Variants in CHST8 observed in about 807,000 individuals in gnomAD.
The protein encoded by CHST8 is carbohydrate sulfotransferase 8, also known as GALNAC-4-ST1.
In CHST8, 10 loss-of-function variants were observed where a neutral mutation model predicts 15.0. The observed-to-expected ratio is 0.67, with a 90% CI of 0.41 to 1.13. The LOEUF (loss-of-function observed/expected upper bound fraction) is 1.13, where lower values mean the gene tolerates loss of function less well. CHST8 is among the 50% of genes most tolerant of loss of function. The pLI, the probability that CHST8 is intolerant of heterozygous loss-of-function variation, is 0.00. For synonymous variants in CHST8, 259 were observed against 256.6 expected, an observed-to-expected ratio of 1.01 and a Z score of -0.09; for missense variants, 634 against 608.2, an observed-to-expected ratio of 1.04 and a Z score of -0.45.
rs151137712 is a variant in CHST8, at chr19:33,631,739, C to T, written c.-164+9443C>T. 2.1e-3 allele frequency among the ~76,000 whole-genome samples: 317 copies of T among 152,244 alleles called. 2 individuals carry two copies. Among genetic ancestry groups the T allele is most frequent in the African/African-American group, 7.3e-3 (302 of 41,524 alleles). ...CCTCTTCCACGAGTTAATGTGTCAGCGCACAGCCATGGCAACCACTCCCCG... is the reference window on the plus strand; with the variant it reads ...CCTCTTCCACGAGTTAATGTGTCAGTGCACAGCCATGGCAACCACTCCCCG... On this transcript the variant is annotated intron_variant, in intron 1 of 4. Transcript: ENST00000650847.
At chr19:33,675,204 C>T (rs1972793603) in intron 2 of CHST8, among the ~76,000 whole-genome samples, 2 of 152,110 alleles carry the variant, frequency 1.3e-5, no homozygotes, top group Non-Finnish European at 2.9e-5. Context: ...GTAGCCAGGC[C>T]TGCACCACCC....
chr19:33,680,729 G>T (rs1009289926), intron 2 of CHST8, among the ~76,000 whole-genome samples: 2 of 152,250 alleles, frequency 1.3e-5, no homozygotes, highest in African/African-American at 4.8e-5. Context: ...CCTATTAAAG[G>T]CACAGTCCCT....
At chr19:33,732,391 A>G (rs946179636) in intron 3 of CHST8, among the ~76,000 whole-genome samples, 1 of 151,820 alleles carries the variant, frequency 6.6e-6, no homozygotes, top group Non-Finnish European at 1.5e-5. Context: ...AGCCCTCCAC[A>G]AGACTGACTT....
intron 1 of CHST8, among the ~76,000 whole-genome samples, chr19:33,666,447 C>T (rs955189065): frequency 4.6e-5 from 7 of 152,124 alleles, no homozygotes; most frequent in Non-Finnish European, 8.8e-5. Flanking sequence ...GCAGAGCTCA[C>T]GGATCCAGGA....
At chr19:33,636,105 A>AAAC (rs1414212550) in intron 1 of CHST8, among the ~76,000 whole-genome samples, 2 of 151,856 alleles carry the variant, frequency 1.3e-5, no homozygotes, top group Non-Finnish European at 2.9e-5. Flanking sequence ...AAAAAAAAAA[A>AAAC]AAACCTCTTG....
intron 3 of CHST8, among the ~76,000 whole-genome samples, chr19:33,761,392 C>G (rs1974725499): frequency 6.6e-6 from 1 of 152,014 alleles, no homozygotes; most frequent in African/African-American, 2.4e-5. Context: ...TGCAGTGGCA[C>G]AATCTCAGCT....
chr19:33,672,599 G>T (rs1299178948), intron 2 of CHST8, among the ~76,000 whole-genome samples: 1 of 152,202 alleles, frequency 6.6e-6, no homozygotes, highest in Non-Finnish European at 1.5e-5. Context: ...AAGATGCGGA[G>T]AAACAGGAAG....
intron 2 of CHST8, among the ~76,000 whole-genome samples, chr19:33,679,505 C>T (rs1407432524): frequency 2.0e-5 from 3 of 152,196 alleles, no homozygotes; most frequent in Non-Finnish European, 4.4e-5. Context: ...CACACGCATG[C>T]GTGTCTGTTG....
intron 3 of CHST8, among the ~76,000 whole-genome samples, chr19:33,714,765 G>A (rs902692890): frequency 1.3e-5 from 2 of 152,202 alleles, no homozygotes; most frequent in African/African-American, 4.8e-5. Flanking sequence ...GTTTTGAAAA[G>A]GGGAATTTCC....
intron 3 of CHST8, among the ~76,000 whole-genome samples, chr19:33,750,806 C>T (rs892194): frequency 0.2 from 30,710 of 151,936 alleles, 3,702 homozygotes; most frequent in Non-Finnish European, 0.27. Context: ...GCCAAGCCTC[C>T]TGGCTGGGGC....
chr19:33,763,014 G>A (rs1361417282), intron 3 of CHST8, among the ~76,000 whole-genome samples: 4 of 151,912 alleles, frequency 2.6e-5, no homozygotes, highest in African/African-American at 9.7e-5. Flanking sequence ...GATTACAGGC[G>A]CCCACCATCA....
rs3040787 is a variant in CHST8, at chr19:33,694,093, CATATATATATATATATATATATAT to C, written c.130+4716_130+4739del. ...CATACAGATTCTGTTGTAGTTTATT[CATATATATATATATATATATATAT>C]ATATATATATATAAATGCAATGTTA... On this transcript the variant is annotated intron_variant, in intron 3 of 4. Coordinates refer to ENST00000650847, the MANE Select transcript of CHST8 (RefSeq NM_001127895.2). Among the ~76,000 whole-genome samples the C allele has an allele frequency of 5.1e-4, 16 of 31,396 alleles. 2 individuals carry two copies. The highest frequency in any genetic ancestry group is 1.5e-3 in the African/African-American group (9 of 6,052). 20.6% of individuals were successfully genotyped at this position (31,396 alleles called of 152,430 possible). A position where few individuals can be genotyped will look rare whatever the true frequency, so the allele number is the denominator to read the frequency against.
Position 33,772,882 on chromosome 19 carries a change from C to T in CHST8, c.1094C>T (p.Pro365Leu), listed in dbSNP as rs749617284. The T allele has an allele frequency of 5.6e-6, 9 of 1,613,402 alleles. No homozygotes were observed. The highest frequency in any genetic ancestry group is 7.6e-6 in the Non-Finnish European group (9 of 1,180,038). ...TTCTTCCTGAGCCTCATCCGCGCGCCGCGGAACCTGACCTTCCCCCGGTTC... is the reference window on the plus strand; with the variant it reads ...TTCTTCCTGAGCCTCATCCGCGCGCTGCGGAACCTGACCTTCCCCCGGTTC... ...ANFFLSLIRA[P>L]RNLTFPRFKD... The change falls in exon 5 of 5, where the codon CCG becomes CTG. Residue 365 changes from proline to leucine, a missense_variant. By Grantham distance (98) the Pro-to-Leu change is moderately conservative (BLOSUM62 -3). Transcript: ENST00000650847.
intron 3 of CHST8, among the ~76,000 whole-genome samples, chr19:33,691,034 G>A (rs767220015): frequency 6.6e-6 from 1 of 152,178 alleles, no homozygotes; most frequent in Admixed American, 6.5e-5. Context: ...ATGCCCACCT[G>A]GGACCAGGGC....
intron 3 of CHST8, among the ~76,000 whole-genome samples, chr19:33,735,629 C>T (rs1002159213): frequency 6.6e-6 from 1 of 152,170 alleles, no homozygotes; most frequent in African/African-American, 2.4e-5. Flanking sequence ...AAGTTCAAGA[C>T]CAGCCTGACC....
Position 33,735,002 on chromosome 19 carries a change from CAGAT to C in CHST8, c.131-36408_131-36405del, listed in dbSNP as rs199900629. 7.7e-3 allele frequency among the ~76,000 whole-genome samples: 1,169 copies of C among 152,310 alleles called. 12 individuals carry two copies. The highest frequency in any genetic ancestry group is 0.011 in the Non-Finnish European group (761 of 68,030). ...CAAGGCCAGAAGCTGCATCAAATGT[CAGAT>C]AGGGAAGTCCCAGCCCAGGCAAGAA... On this transcript the variant is annotated intron_variant, in intron 3 of 4. Coordinates refer to ENST00000650847, the MANE Select transcript of CHST8 (RefSeq NM_001127895.2).
chr19:33,699,216 C>T (rs1052702980), intron 3 of CHST8, among the ~76,000 whole-genome samples: 6 of 152,078 alleles, frequency 3.9e-5, no homozygotes, highest in African/African-American at 7.2e-5. Context: ...TTAGCTGTAC[C>T]GAGGCAGGGG....
At chr19:33,730,213 A>G (rs1446213120) in intron 3 of CHST8, among the ~76,000 whole-genome samples, 2 of 152,170 alleles carry the variant, frequency 1.3e-5, no homozygotes, top group African/African-American at 2.4e-5. Context: ...ATTCTTGCCA[A>G]TTCCGTGGGG....
intron 1 of CHST8, among the ~76,000 whole-genome samples, chr19:33,666,450 A>G (rs528636642): frequency 6.6e-6 from 1 of 152,290 alleles, no homozygotes; most frequent in Admixed American, 6.5e-5. Flanking sequence ...GAGCTCACGG[A>G]TCCAGGAATG....
Sources: allele counts gnomAD v4.1 joint callset (sites outside exome capture counted in the v4.1 genomes callset), GRCh38; gene constraint gnomAD v4.1.1; transcripts MANE v1.5; gene names NCBI Gene and HGNC (gene_info 2026-07-23, HGNC 2026-07-21).